SCRG1: variants seen among roughly 807,000 people sequenced by gnomAD.
The protein encoded by SCRG1 is stimulator of chondrogenesis 1.
A neutral mutation model predicts 7.7 loss-of-function variants in SCRG1; 3 were observed. That is an observed-to-expected ratio of 0.39 (90% confidence interval 0.18 to 1.01). The LOEUF is 1.01. SCRG1 is among the 50% of genes least tolerant of loss of function. The pLI is 0.36. For synonymous variants in SCRG1, 46 were observed against 41.2 expected, an observed-to-expected ratio of 1.12 and a Z score of -0.44; for missense variants, 110 against 117.2, an observed-to-expected ratio of 0.94 and a Z score of 0.28.
At chr4:173,402,071 C>T (rs540496235), upstream of SCRG1, among the ~76,000 whole-genome samples, 7 of 152,126 alleles carry the variant, frequency 4.6e-5, no homozygotes, top group African/African-American at 7.2e-5. Flanking sequence ...GACCTCTTAT[C>T]GAACCCGCTT....
chr4:173,391,273 G>C lies in SCRG1; in HGVS notation c.142C>G (p.Leu48Val). The C allele has an allele frequency of 6.2e-7, 1 of 1,614,136 alleles. No homozygotes were observed. The highest frequency in any genetic ancestry group is 1.7e-5 in the Admixed American group (1 of 60,022). The change falls in exon 2 of 3, where the codon CTG becomes GTG. Residue 48 changes from leucine (L) to valine (V), a missense_variant. Transcript: ENST00000296506. ...CHNLPEGVAD[L>V]TQIDVNVQDH... ...TGGACATTGACATCAATCTGTGTCA[G>C]GTCAGCTACTCCTTCCGGAAGGTTG...
the SCRG1 span, among the ~76,000 whole-genome samples, chr4:173,490,005 C>G: frequency 6.6e-6 from 1 of 152,124 alleles, no homozygotes; most frequent in African/African-American, 2.4e-5. Context: ...TCAGTTCTAG[C>G]CACAGTTCAT....
the SCRG1 span, among the ~76,000 whole-genome samples, chr4:173,510,644 C>T: frequency 6.6e-6 from 1 of 151,954 alleles, no homozygotes; most frequent in Admixed American, 6.6e-5. This position sits in a 1 kb window ranked among gnomAD's most constrained non-coding sequence, Gnocchi z 5.7. Flanking sequence ...AACTTCCCTC[C>T]CCCTGGGATT....
chr4:173,393,774 G>A (rs1739515640), intron 1 of SCRG1, among the ~76,000 whole-genome samples: 1 of 124,174 alleles, frequency 8.1e-6, no homozygotes, highest in South Asian at 2.5e-4. Context: ...GTCAATATTT[G>A]TTTTATATAT....
chr4:173,474,221 A>G, the SCRG1 span, among the ~76,000 whole-genome samples: 1 of 152,220 alleles, frequency 6.6e-6, no homozygotes, highest in Non-Finnish European at 1.5e-5. Flanking sequence ...ATCTTAGACT[A>G]TTGACTAACT....
chr4:173,492,701 C>G, the SCRG1 span, among the ~76,000 whole-genome samples: 1 of 152,228 alleles, frequency 6.6e-6, no homozygotes, highest in Non-Finnish European at 1.5e-5. Flanking sequence ...AGTGGCCTAA[C>G]TGGCCACTGC....
upstream of SCRG1, among the ~76,000 whole-genome samples, chr4:173,410,806 A>T (rs1040533859): frequency 6.6e-6 from 1 of 152,150 alleles, no homozygotes; most frequent in Non-Finnish European, 1.5e-5. Flanking sequence ...AAGAGACTGG[A>T]CTCTAAGGAA....
the SCRG1 span, among the ~76,000 whole-genome samples, chr4:173,442,445 T>G: frequency 6.6e-6 from 1 of 152,234 alleles, no homozygotes; most frequent in Non-Finnish European, 1.5e-5. Flanking sequence ...CGACTTCAGC[T>G]GCTCCCTGTC....
At chr4:173,391,476 A>G (rs1464053183) in intron 1 of SCRG1, 48 bp from the exon 2 acceptor site, 1 of 1,587,516 alleles carries the variant, frequency 6.3e-7, no homozygotes, top group Non-Finnish European at 8.6e-7. Context: ...TTTTTTAAAG[A>G]TAGAATTCAT....
At position 173,385,586 on chromosome 4, in the gene SCRG1, G is replaced by C. The variant is rs1345197729; in HGVS notation, c.*2755C>G. The C allele has an allele frequency of 1.3e-5, 2 of 152,078 alleles. No homozygotes were observed. The highest frequency in any genetic ancestry group is 4.8e-5 in the African/African-American group (2 of 41,418). 9.4% of individuals were successfully genotyped at this position (152,078 alleles called of 1,614,324 possible). On this transcript the variant is annotated 3_prime_UTR_variant, in exon 3 of 3. Coordinates refer to ENST00000296506, the MANE Select transcript of SCRG1 (RefSeq NM_007281.4). ...ACATTTATTTTGTAATATAAAGAAGGCTGTGTACTTGTATAATGCATTCAT... is the reference window on the plus strand; with the variant it reads ...ACATTTATTTTGTAATATAAAGAAGCCTGTGTACTTGTATAATGCATTCAT...
At chr4:173,477,042 A>G in the SCRG1 span, among the ~76,000 whole-genome samples, 1 of 152,170 alleles carries the variant, frequency 6.6e-6, no homozygotes, top group Non-Finnish European at 1.5e-5. Context: ...ATTGGCTGCC[A>G]GATATTTGAA....
chr4:173,511,324 G>A, the SCRG1 span, among the ~76,000 whole-genome samples: 4,434 of 152,222 alleles, frequency 0.029, 197 homozygotes, highest in African/African-American at 0.093. The surrounding 1 kb of genome is among the most constrained non-coding windows in gnomAD (Gnocchi z 5.2). Flanking sequence ...GAGTGAAGAC[G>A]TTCAGGAAGT....
the SCRG1 span, among the ~76,000 whole-genome samples, chr4:173,516,207 TTTAA>T: frequency 1.3e-5 from 2 of 152,250 alleles, no homozygotes; most frequent in Non-Finnish European, 2.9e-5. Context: ...CCAGAGAATG[TTTAA>T]TTAACTCCAC....
At chr4:173,427,248 C>A in the SCRG1 span, among the ~76,000 whole-genome samples, 2 of 152,206 alleles carry the variant, frequency 1.3e-5, no homozygotes, top group South Asian at 2.1e-4. Flanking sequence ...TGCCTATCTG[C>A]TGTCTAGCAG....
Position 173,384,916 on chromosome 4 carries a change from T to A in SCRG1, c.*3425A>T, listed in dbSNP as rs1370966345. On this transcript the variant is annotated 3_prime_UTR_variant, in exon 3 of 3. Coordinates refer to ENST00000296506, the MANE Select transcript of SCRG1 (RefSeq NM_007281.4). ...TGTCCTATCCATGTAAAAGTTTGCCTTTCTGTAAAGGAAATAATGCATTAG... is the reference window on the plus strand; with the variant it reads ...TGTCCTATCCATGTAAAAGTTTGCCATTCTGTAAAGGAAATAATGCATTAG... 6.6e-6 allele frequency: 1 copy of A among 152,190 alleles called. No individual in the cohort carries two copies. The highest frequency in any genetic ancestry group is 1.5e-5 in the Non-Finnish European group (1 of 68,016). The allele number at this position is 152,190 out of a possible 1,614,324, so 9.4% of individuals were successfully genotyped here.
chr4:173,485,029 T>TAA, the SCRG1 span, among the ~76,000 whole-genome samples: 2 of 15,926 alleles, frequency 1.3e-4, no homozygotes, highest in African/African-American at 6.3e-4. Flanking sequence ...ATATAATATA[T>TAA]TATATATTAT....
chr4:173,452,255 A>G, the SCRG1 span, among the ~76,000 whole-genome samples: 5 of 152,118 alleles, frequency 3.3e-5, no homozygotes, highest in African/African-American at 1.2e-4. Context: ...AAAAAAAAAG[A>G]AAATCATAAG....
the SCRG1 span, among the ~76,000 whole-genome samples, chr4:173,472,328 C>T: frequency 3.3e-5 from 5 of 152,238 alleles, no homozygotes; most frequent in East Asian, 5.8e-4. Context: ...TGTGATACTT[C>T]GTGGATGAAC....
At chr4:173,510,777 C>G in the SCRG1 span, among the ~76,000 whole-genome samples, 1 of 152,108 alleles carries the variant, frequency 6.6e-6, no homozygotes, top group Non-Finnish European at 1.5e-5. This position sits in a 1 kb window ranked among gnomAD's most constrained non-coding sequence, Gnocchi z 5.7. Flanking sequence ...CCTCCGCAGT[C>G]GATAATCTCC....
Sources: allele counts gnomAD v4.1 joint callset (sites outside exome capture counted in the v4.1 genomes callset), GRCh38; gene constraint gnomAD v4.1.1; non-coding constraint Gnocchi (gnomAD v3.1); transcripts MANE v1.5; gene names NCBI Gene and HGNC (gene_info 2026-07-23, HGNC 2026-07-21).